IL13RA1: variants seen among roughly 807,000 people sequenced by gnomAD.
IL13RA1 encodes interleukin-13 receptor subunit alpha-1.
A neutral mutation model predicts 33.8 loss-of-function variants in IL13RA1; 14 were observed. The observed-to-expected ratio is 0.41, with a 90% CI of 0.27 to 0.65. IL13RA1 has a LOEUF of 0.65. IL13RA1 is among the 30% of genes least tolerant of loss of function. The pLI, the probability that IL13RA1 is intolerant of heterozygous loss-of-function variation, is 0.28. For missense variants in IL13RA1, 313 were observed against 327.0 expected, an observed-to-expected ratio of 0.96 and a Z score of 0.33; for synonymous variants, 116 against 115.7, an observed-to-expected ratio of 1.00 and a Z score of -0.02.
chrX:118,796,532 T>TTTTTG (rs1254005672), downstream of IL13RA1, among the ~76,000 whole-genome samples: 4 of 112,285 alleles, frequency 3.6e-5, no homozygotes, highest in Admixed American at 9.4e-5. Flanking sequence ...TATAGCATCT[T>TTTTTG]TTTTGTTTTG....
At chrX:118,756,325 T>C (rs765425132) in intron 4 of IL13RA1, among the ~76,000 whole-genome samples, 18 of 106,629 alleles carry the variant, frequency 1.7e-4, no homozygotes, top group African/African-American at 6.1e-4. Flanking sequence ...TAGCCTAGAC[T>C]AAAAAAAAAA....
intron 6 of IL13RA1, among the ~76,000 whole-genome samples, chrX:118,765,145 T>G: frequency 9.0e-6 from 1 of 110,823 alleles, no homozygotes; most frequent in African/African-American, 3.3e-5. Flanking sequence ...CAGGCTGGAG[T>G]GCAGTGCAGT....
At chrX:118,783,168 A>G (rs2017864623) in intron 10 of IL13RA1, among the ~76,000 whole-genome samples, 1 of 111,874 alleles carries the variant, frequency 8.9e-6, no homozygotes, top group South Asian at 3.7e-4. Context: ...GTACTACCAA[A>G]TTTATGCCTT....
chrX:118,747,157 T>A, intron 3 of IL13RA1, 65 bp downstream of exon 3: 2 of 676,998 alleles, frequency 3.0e-6, no homozygotes, highest in Non-Finnish European at 4.6e-6. Context: ...AATGCTTTTG[T>A]GCATTGTTCA....
At chrX:118,735,147 T>G (rs1487756338) in intron 1 of IL13RA1, among the ~76,000 whole-genome samples, 1 of 110,622 alleles carries the variant, frequency 9.0e-6, no homozygotes, top group Non-Finnish European at 1.9e-5. Flanking sequence ...ATACTCATTT[T>G]CATTTTTGAA....
At chrX:118,768,583 T>C (rs2017675436) in intron 8 of IL13RA1, among the ~76,000 whole-genome samples, 2 of 112,086 alleles carry the variant, frequency 1.8e-5, no homozygotes, top group African/African-American at 6.5e-5. Context: ...TATTTGGAAA[T>C]AGGATTTTTG....
At chrX:118,772,607 C>G (rs193185790) in intron 8 of IL13RA1, among the ~76,000 whole-genome samples, 4 of 111,739 alleles carry the variant, frequency 3.6e-5, no homozygotes, top group African/African-American at 9.7e-5. Context: ...AAAAAAAAAC[C>G]CTATGTGATA....
chrX:118,738,115 A>G (rs1361769470), intron 1 of IL13RA1: 1 of 112,281 alleles, frequency 8.9e-6, no homozygotes, highest in African/African-American at 3.2e-5. Flanking sequence ...ATGCAGTGCA[A>G]TAGGAATTCT....
rs1311007889 is a variant in IL13RA1 at position 118,793,030 on chromosome X, T to TA, written c.*1178dup. 8.9e-6 allele frequency: 1 copy of TA among 111,868 alleles called. No individual in the cohort carries two copies. The highest frequency in any genetic ancestry group is 1.9e-5 in the Non-Finnish European group (1 of 53,113). 9.2% of individuals were successfully genotyped at this position (111,868 alleles called of 1,213,427 possible). A position where few individuals can be genotyped will look rare whatever the true frequency, so the allele number is the denominator to read the frequency against. ...CCTCAGTTCTTGCCACTTTTTTTTT[T>TA]AATCTCCACCAGTCATTTTTCAGAC... On this transcript the variant is annotated 3_prime_UTR_variant, in exon 11 of 11. Transcript: ENST00000371666.
chrX:118,753,838 G>A (rs1177275257), intron 4 of IL13RA1, among the ~76,000 whole-genome samples: 1 of 112,952 alleles, frequency 8.9e-6, no homozygotes, highest in Admixed American at 9.3e-5. Context: ...GTCATATACA[G>A]TCCCAGAGCT....
rs750265712 is a variant in IL13RA1, at chrX:118,776,443, T to G, written c.1123T>G (p.Phe375Val). 23 of 954,040 alleles carry G rather than the reference T, an allele frequency of 2.4e-5. No individual in the cohort carries two copies. Among genetic ancestry groups the G allele is most frequent in the Non-Finnish European group, 3.5e-5 (23 of 666,137 alleles). The allele number at this position is 954,040 out of a possible 1,213,427, so 78.6% of individuals were successfully genotyped here. ...TTCTTAAAGGCTCAAGATTATTATA[T>G]TCCCTCCAATTCCTGATCCTGGCAA... ...LYLKRLKIII[F>V]PPIPDPGKIF... is the part of the protein sequence containing the mutation. The change falls in exon 10 of 11, where the codon TTC (phenylalanine) becomes GTC (valine). Residue 375 changes from phenylalanine to valine, a missense_variant. Transcript: ENST00000371666.
intron 8 of IL13RA1, among the ~76,000 whole-genome samples, chrX:118,771,203 T>G (rs754057592): frequency 5.0e-4 from 55 of 110,314 alleles, no homozygotes; most frequent in Admixed American, 2.8e-3. Context: ...TTGAGAGACC[T>G]AGCAACATCA....
chrX:118,766,781 T>C (rs2017654312), intron 7 of IL13RA1, 63 bp from the exon 8 acceptor site: 1 of 652,271 alleles, frequency 1.5e-6, no homozygotes. Context: ...GTATTATGAT[T>C]CAATAACAGT....
chrX:118,729,198 G>A (rs1005839629), intron 1 of IL13RA1, among the ~76,000 whole-genome samples: 4 of 111,203 alleles, frequency 3.6e-5, no homozygotes, highest in African/African-American at 1.3e-4. Flanking sequence ...TTTTCACAGT[G>A]CCACTCCAGC....
chrX:118,736,134 CTA>C (rs1027705802), intron 1 of IL13RA1, among the ~76,000 whole-genome samples: 18 of 111,243 alleles, frequency 1.6e-4, no homozygotes, highest in Non-Finnish European at 2.3e-4. Flanking sequence ...TTTAGGTTTT[CTA>C]TCTCTTTATT....
chrX:118,744,916 A>G (rs970499909), intron 2 of IL13RA1, among the ~76,000 whole-genome samples: 3 of 111,974 alleles, frequency 2.7e-5, no homozygotes, highest in Non-Finnish European at 5.6e-5. Context: ...GGGCAAATAT[A>G]GCTTCCAAAC....
downstream of IL13RA1, among the ~76,000 whole-genome samples, chrX:118,797,399 A>C (rs2018037954): frequency 8.9e-6 from 1 of 112,212 alleles, no homozygotes; most frequent in Admixed American, 9.5e-5. Context: ...TGGTCTACCC[A>C]AATCAGGATT....
intron 1 of IL13RA1, among the ~76,000 whole-genome samples, chrX:118,737,084 A>G (rs189623339): frequency 3.9e-4 from 44 of 112,854 alleles, no homozygotes; most frequent in Admixed American, 3.8e-3. Flanking sequence ...AGGTGCAACC[A>G]CAATGGCTGC....
chrX:118,741,025 C>A lies in IL13RA1; in HGVS notation c.97C>A (p.Pro33Thr). 8.9e-7 allele frequency: 1 copy of A among 1,122,456 alleles called. No homozygotes were observed. The highest frequency in any genetic ancestry group is 1.2e-6 in the Non-Finnish European group (1 of 815,888). 92.5% of individuals were successfully genotyped at this position (1,122,456 alleles called of 1,213,427 possible). The change falls in exon 2 of 11, where the codon CCA (proline) becomes ACA (threonine). Residue 33 changes from proline (P) to threonine (T), a missense_variant. By Grantham distance (38) the Pro-to-Thr change is conservative. Coordinates refer to ENST00000371666, the MANE Select transcript of IL13RA1 (RefSeq NM_001560.3). ...GTCCTTGATTTGAACAGAAACTCAG[C>A]CACCTGTGACAAATTTGAGTGTCTC... Reference protein sequence around the residue: ...GGGAAPTETQPPVTNLSVSVE... With the variant: ...GGGAAPTETQTPVTNLSVSVE...
Sources: allele counts gnomAD v4.1 joint callset (sites outside exome capture counted in the v4.1 genomes callset), GRCh38; gene constraint gnomAD v4.1.1; transcripts MANE v1.5; gene names NCBI Gene and HGNC (gene_info 2026-07-23, HGNC 2026-07-21).